The following KPNA3 variants were observed in gnomAD, a reference collection of about 807,000 sequenced individuals.
KPNA3 encodes importin subunit alpha-4.
KPNA3 carries 13 observed loss-of-function variants against 73.8 expected under a neutral mutation model. That is an observed-to-expected ratio of 0.18 (90% CI 0.11 to 0.28). The LOEUF (loss-of-function observed/expected upper bound fraction) is 0.28. Ranked by LOEUF, KPNA3 falls within the 10% of genes least tolerant of loss-of-function variation. The pLI, the probability that KPNA3 is intolerant of heterozygous loss-of-function variation, is 1.00. For missense variants in KPNA3, 360 were observed against 618.1 expected (o/e 0.58, Z 4.43); for synonymous variants, 186 against 206.9 (o/e 0.90, Z 0.87).
Position 49,774,716 on chromosome 13 carries a change from T to G in KPNA3, c.69+17722A>C, listed in dbSNP as rs537902526. ...AAGCATATCATGTCCTCACATAATG[T>G]CATCACATTCACAAATACAAAAACT... On this transcript the variant is annotated intron_variant, in intron 1 of 16. Coordinates refer to ENST00000261667, the MANE Select transcript of KPNA3 (RefSeq NM_002267.4). 4.6e-5 allele frequency among the ~76,000 whole-genome samples: 7 copies of G among 152,346 alleles called. No individual in the cohort carries two copies. In the South Asian group the frequency reaches 1.4e-3, roughly 32 times the overall value.
chr13:49,774,436 G>C (rs4941656), intron 1 of KPNA3, among the ~76,000 whole-genome samples: 18,111 of 152,004 alleles, frequency 0.12, 2,172 homozygotes, highest in East Asian at 0.58. Flanking sequence ...TATAAATTCA[G>C]AACTTTTAGA....
chr13:49,721,353 A>T (rs1594435232), intron 9 of KPNA3, among the ~76,000 whole-genome samples: 1 of 152,190 alleles, frequency 6.6e-6, no homozygotes, highest in Non-Finnish European at 1.5e-5. Flanking sequence ...TACAGTAATA[A>T]AACTTTGAGA....
intron 2 of KPNA3, among the ~76,000 whole-genome samples, chr13:49,744,252 T>C (rs1954597745): frequency 6.6e-6 from 1 of 152,172 alleles, no homozygotes; most frequent in Non-Finnish European, 1.5e-5. Context: ...GTGTTAAGAC[T>C]GGAAAAAACA....
At chr13:49,722,172 G>C (rs757122908) in intron 8 of KPNA3, 48 bp from the exon 9 acceptor site, 10 of 1,284,910 alleles carry the variant, frequency 7.8e-6, no homozygotes, top group Non-Finnish European at 1.0e-5. Context: ...TTCAGGATGA[G>C]AAAGTCTGAA....
chr13:49,726,487 G>GT (rs1566340221), intron 6 of KPNA3, among the ~76,000 whole-genome samples: 1 of 152,148 alleles, frequency 6.6e-6, no homozygotes. Flanking sequence ...TAAGAAGCAA[G>GT]TAACAGGGTG....
intron 1 of KPNA3, among the ~76,000 whole-genome samples, chr13:49,770,922 C>T (rs117635678): frequency 1.5e-3 from 228 of 151,048 alleles, no homozygotes; most frequent in Middle Eastern, 3.4e-3. Context: ...CAATTCTATT[C>T]CATTGGTCCA....
chr13:49,710,800 C>T (rs924476880), intron 11 of KPNA3, 91 bp downstream of exon 11: 50 of 1,141,518 alleles, frequency 4.4e-5, no homozygotes, highest in Admixed American at 1.3e-4. Flanking sequence ...AAGATAAGCA[C>T]TTACAGATAG....
chr13:49,762,502 C>T (rs1954775650), intron 1 of KPNA3, among the ~76,000 whole-genome samples: 1 of 152,126 alleles, frequency 6.6e-6, no homozygotes, highest in African/African-American at 2.4e-5. Flanking sequence ...TAGGAGACTC[C>T]ATTTTTGTTC....
At chr13:49,770,130 C>G (rs912846138) in intron 1 of KPNA3, among the ~76,000 whole-genome samples, 4 of 150,042 alleles carry the variant, frequency 2.7e-5, no homozygotes, top group African/African-American at 9.8e-5. Flanking sequence ...TTAAGTAGTA[C>G]CTTTAATGGA....
chr13:49,785,083 G>A (rs1161758309), intron 1 of KPNA3, among the ~76,000 whole-genome samples: 1 of 152,100 alleles, frequency 6.6e-6, no homozygotes, highest in Non-Finnish European at 1.5e-5. Flanking sequence ...GCGAGGAGGG[G>A]CAGGCGGGAT....
intron 2 of KPNA3, among the ~76,000 whole-genome samples, chr13:49,746,459 A>G (rs551346740): frequency 1.3e-5 from 2 of 152,322 alleles, no homozygotes; most frequent in East Asian, 1.9e-4. Context: ...ACCTGGACAG[A>G]GTGAAACGCT....
intron 1 of KPNA3, among the ~76,000 whole-genome samples, chr13:49,773,264 A>G (rs976493470): frequency 1.4e-4 from 22 of 152,202 alleles, no homozygotes; most frequent in African/African-American, 5.3e-4. Context: ...GAAGACAGAA[A>G]TATTTACATT....
intron 12 of KPNA3, 83 bp downstream of exon 12, chr13:49,709,489 A>G: frequency 1.7e-6 from 2 of 1,188,392 alleles, no homozygotes; most frequent in Non-Finnish European, 2.3e-6. Flanking sequence ...TAAGAAAAAC[A>G]TACAAGTAGC....
intron 10 of KPNA3, among the ~76,000 whole-genome samples, chr13:49,714,474 GAAC>G (rs1566335213): frequency 1.3e-5 from 2 of 152,142 alleles, no homozygotes; most frequent in Admixed American, 6.5e-5. Flanking sequence ...TAATTTACTA[GAAC>G]AATAGTTTAT....
chr13:49,725,607 T>G (rs1954402097), intron 6 of KPNA3, 106 bp from the exon 7 acceptor site: 1 of 665,850 alleles, frequency 1.5e-6, no homozygotes, highest in East Asian at 3.2e-5. Context: ...TCCTTGAATT[T>G]CACCTTGTTA....
chr13:49,792,416 C>T, intron 1 of KPNA3, 22 bp downstream of exon 1: 1 of 1,550,004 alleles, frequency 6.5e-7, no homozygotes, highest in Non-Finnish European at 8.7e-7. Flanking sequence ...CAGGCGGGCC[C>T]AGACCGCGGA....
chr13:49,725,095 G>GT (rs1315845805), intron 7 of KPNA3, among the ~76,000 whole-genome samples: 1 of 152,216 alleles, frequency 6.6e-6, no homozygotes, highest in Non-Finnish European at 1.5e-5. Flanking sequence ...CTTGAGGAAA[G>GT]TAAAATTTAA....
intron 6 of KPNA3, among the ~76,000 whole-genome samples, chr13:49,730,777 T>C (rs7400013): frequency 0.055 from 2,581 of 46,678 alleles, 202 homozygotes; most frequent in East Asian, 0.48. Flanking sequence ...CCCTCCCCCC[T>C]ATTTATTCAT....
intron 1 of KPNA3, among the ~76,000 whole-genome samples, chr13:49,782,933 A>C (rs1246872618): frequency 1.3e-5 from 2 of 152,174 alleles, no homozygotes; most frequent in Admixed American, 6.5e-5. Flanking sequence ...GTAAAGCATC[A>C]AATAAAAAGA....
Sources: allele counts gnomAD v4.1 joint callset (sites outside exome capture counted in the v4.1 genomes callset), GRCh38; gene constraint gnomAD v4.1.1; transcripts MANE v1.5; gene names NCBI Gene and HGNC (gene_info 2026-07-23, HGNC 2026-07-21).